MYO9B: variants seen among roughly 807,000 people sequenced by gnomAD.
The protein encoded by MYO9B is unconventional myosin-IXb.
In MYO9B, 71 loss-of-function variants were observed where a neutral mutation model predicts 229.5. That is an observed-to-expected ratio of 0.31 (90% CI 0.26 to 0.38). MYO9B has a LOEUF of 0.38. Among genes scored for constraint, MYO9B ranks in the 10% least tolerant of loss-of-function variants. The pLI is 1.00. For missense variants in MYO9B, 2,255 were observed against 2,920.5 expected, an observed-to-expected ratio of 0.77 and a Z score of 5.25; for synonymous variants, 1,185 against 1,235.8, an observed-to-expected ratio of 0.96 and a Z score of 0.86.
chr19:17,197,455 G>A (rs867555449), intron 22 of MYO9B, among the ~76,000 whole-genome samples: 2 of 148,032 alleles, frequency 1.4e-5, no homozygotes, highest in South Asian at 2.1e-4. Flanking sequence ...TAGATACATA[G>A]ATAGATAGAT....
At chr19:17,188,607 T>A (rs534548578) in intron 19 of MYO9B, among the ~76,000 whole-genome samples, 15 of 152,298 alleles carry the variant, frequency 9.8e-5, no homozygotes, top group African/African-American at 3.6e-4. Context: ...ATAGAAATAG[T>A]GTCTTTCTAA....
At position 17,212,299 on chromosome 19, in the gene MYO9B, A is replaced by G; in HGVS notation, c.6463A>G (p.Thr2155Ala). ...TYCLPPASGQ[T>A]NG Reference sequence around the variant, plus strand: ...CTGCCTGCCCCCCGCCTCGGGCCAGACCAATGGCTGAGAGCCACAGCTGAC... The same window carrying G: ...CTGCCTGCCCCCCGCCTCGGGCCAGGCCAATGGCTGAGAGCCACAGCTGAC... The change falls in exon 40 of 40, where the codon ACC becomes GCC. Residue 2155 changes from threonine (T) to alanine (A), a missense_variant. By Grantham distance (58) the Thr-to-Ala change is moderately conservative. This residue lies in a region of MYO9B where 331 missense variants were observed against 332.5 expected (regional missense o/e 1.00). Transcript: ENST00000682292. This position sits in a 1 kb window ranked among gnomAD's most constrained non-coding sequence, Gnocchi z 5.4. 1 of 1,505,722 alleles carries G rather than the reference A, an allele frequency of 6.6e-7. No homozygotes were observed. Among genetic ancestry groups the G allele is most frequent in the East Asian group, 2.4e-5 (1 of 41,946 alleles). 93.3% of individuals were successfully genotyped at this position (1,505,722 alleles called of 1,614,324 possible).
chr19:17,187,819 A>C (rs1257165238), intron 18 of MYO9B, 116 bp from the exon 19 acceptor site: 3 of 789,408 alleles, frequency 3.8e-6, no homozygotes, highest in African/African-American at 1.7e-5. Context: ...CCCAAGAGGC[A>C]GTGGTCGCAT....
rs1395067593 is a variant in MYO9B at position 17,162,375 on chromosome 19, C to T, written c.1445C>T (p.Ala482Val). The T allele has an allele frequency of 6.3e-7, 1 of 1,585,408 alleles. No individual in the cohort carries two copies. The highest frequency in any genetic ancestry group is 8.6e-7 in the Non-Finnish European group (1 of 1,166,990). Residue 482 changes from alanine (A) to valine (V), a missense_variant, in exon 9 of 40, where the codon GCC becomes GTC. Coordinates refer to ENST00000682292, the MANE Select transcript of MYO9B (RefSeq NM_004145.4). ...GCCATCACTGCCCGCGACTCCATGG[C>T]CAAGTCTCTGTACAGCGCCCTGTTC... ...SEAITARDSM[A>V]KSLYSALFDW...
At chr19:17,199,090 C>G (rs1001928526) in intron 24 of MYO9B, among the ~76,000 whole-genome samples, 2 of 152,092 alleles carry the variant, frequency 1.3e-5, no homozygotes, top group Admixed American at 6.6e-5. Flanking sequence ...GTAGTCCCAG[C>G]TACTCAGGAG....
chr19:17,206,433 C>A (rs897357605), intron 33 of MYO9B, 57 bp downstream of exon 33: 12 of 1,584,286 alleles, frequency 7.6e-6, no homozygotes, highest in Non-Finnish European at 1.0e-5. Context: ...ATACAGCGTT[C>A]GCTGTGACCA....
intron 2 of MYO9B, among the ~76,000 whole-genome samples, 180 bp from the exon 3 acceptor site, chr19:17,145,217 A>G (rs2072394332): frequency 6.6e-6 from 1 of 152,136 alleles, no homozygotes; most frequent in Admixed American, 6.6e-5. Context: ...CAGAGGTTGC[A>G]GTGAGCCAAG....
At chr19:17,179,591 T>A (rs1285734277) in intron 14 of MYO9B, among the ~76,000 whole-genome samples, 5 of 151,462 alleles carry the variant, frequency 3.3e-5, no homozygotes, top group Admixed American at 6.6e-5. Flanking sequence ...CATGCCCAGC[T>A]AATTTTTGTG....
rs777122168 is a variant in MYO9B at position 17,181,045 on chromosome 19, G to A, written c.2333+5G>A. 8.1e-6 allele frequency: 13 copies of A among 1,595,880 alleles called. No individual in the cohort carries two copies. Among genetic ancestry groups the A allele is most frequent in the Non-Finnish European group, 1.0e-5 (12 of 1,167,254 alleles). On this transcript the variant is annotated splice_donor_5th_base_variant and intron_variant, in intron 15 of 39. Coordinates refer to ENST00000682292, the MANE Select transcript of MYO9B (RefSeq NM_004145.4). Reference sequence around the variant, plus strand: ...GAAACCCCGCGCCTTCATCCTGTGAGTCCCCCACCAAGGCCCTGCTTACAA... The same window carrying A: ...GAAACCCCGCGCCTTCATCCTGTGAATCCCCCACCAAGGCCCTGCTTACAA...
intron 2 of MYO9B, among the ~76,000 whole-genome samples, chr19:17,144,467 C>A (rs1363665662): frequency 2.6e-5 from 4 of 150,996 alleles, no homozygotes; most frequent in Middle Eastern, 3.5e-3. Context: ...CGTGGTGGTG[C>A]ATGCCTGTGG....
intron 30 of MYO9B, among the ~76,000 whole-genome samples, chr19:17,204,710 G>A (rs867849793): frequency 2.6e-5 from 4 of 152,050 alleles, no homozygotes; most frequent in South Asian, 2.1e-4. Flanking sequence ...AGCCAGGCAC[G>A]GTGGTGCACG....
intron 1 of MYO9B, among the ~76,000 whole-genome samples, chr19:17,085,792 C>A (rs1201867880): frequency 6.6e-6 from 1 of 152,142 alleles, no homozygotes; most frequent in African/African-American, 2.4e-5. Context: ...CATAGGGAGA[C>A]CCCTGTTCTT....
At chr19:17,094,876 G>T (rs1415275190) in intron 1 of MYO9B, among the ~76,000 whole-genome samples, 1 of 152,060 alleles carries the variant, frequency 6.6e-6, no homozygotes, top group African/African-American at 2.4e-5. Flanking sequence ...AGGGGAGGTT[G>T]AGACTGCAGT....
intron 22 of MYO9B, among the ~76,000 whole-genome samples, chr19:17,196,373 G>T (rs7254604): frequency 2.0e-5 from 3 of 151,728 alleles, no homozygotes; most frequent in Non-Finnish European, 4.4e-5. Context: ...GGATGATACA[G>T]ATGATGGGGA....
intron 3 of MYO9B, among the ~76,000 whole-genome samples, chr19:17,147,181 C>G (rs2072421324): frequency 1.3e-5 from 2 of 152,208 alleles, no homozygotes; most frequent in Admixed American, 6.5e-5. Flanking sequence ...CTTGTCCCAC[C>G]TGTCTTCCAG....
intron 38 of MYO9B, 85 bp from the exon 39 acceptor site, chr19:17,211,562 A>G: frequency 7.8e-7 from 1 of 1,276,432 alleles, no homozygotes; most frequent in Non-Finnish European, 1.1e-6. Flanking sequence ...AGTTACATCT[A>G]GGAGCAGGAC....
At chr19:17,096,924 T>C (rs2057698561) in intron 1 of MYO9B, among the ~76,000 whole-genome samples, 1 of 146,656 alleles carries the variant, frequency 6.8e-6, no homozygotes, top group African/African-American at 2.5e-5. Context: ...CGATCTGACC[T>C]CGTGATCCGC....
intron 1 of MYO9B, among the ~76,000 whole-genome samples, chr19:17,087,735 G>A (rs2057597009): frequency 1.3e-5 from 2 of 152,124 alleles, no homozygotes; most frequent in Admixed American, 1.3e-4. Context: ...TTCACGACCA[G>A]CCTGACTAAT....
At chr19:17,080,009 G>A (rs1295811677) in intron 1 of MYO9B, among the ~76,000 whole-genome samples, 1 of 152,198 alleles carries the variant, frequency 6.6e-6, no homozygotes, top group Non-Finnish European at 1.5e-5. Flanking sequence ...GCATGTTTCA[G>A]AAATGCAGCT....
Sources: allele counts gnomAD v4.1 joint callset (sites outside exome capture counted in the v4.1 genomes callset), GRCh38; gene constraint gnomAD v4.1.1; regional missense constraint gnomAD v4.1.1; non-coding constraint Gnocchi (gnomAD v3.1); transcripts MANE v1.5; gene names NCBI Gene and HGNC (gene_info 2026-07-23, HGNC 2026-07-21).